Variants in FSTL4 observed in about 807,000 individuals in gnomAD.
The protein encoded by FSTL4 is follistatin-related protein 4.
In FSTL4, 28 loss-of-function variants were observed where a neutral mutation model predicts 78.2. The ratio of observed to expected loss-of-function variants is 0.36; its 90% CI spans 0.27 to 0.49. FSTL4 has a LOEUF of 0.49. Among genes scored for constraint, FSTL4 ranks in the 20% least tolerant of loss-of-function variants. The pLI is 0.98. For missense variants in FSTL4, 922 were observed against 1,084.9 expected, an observed-to-expected ratio of 0.85 and a Z score of 2.11; for synonymous variants, 422 against 440.5, an observed-to-expected ratio of 0.96 and a Z score of 0.53.
chr5:133,594,403 G>A (rs1760699214), intron 2 of FSTL4, among the ~76,000 whole-genome samples: 1 of 152,220 alleles, frequency 6.6e-6, no homozygotes, highest in Non-Finnish European at 1.5e-5. Flanking sequence ...ATGTTGGCCA[G>A]GCTGGTCTCG....
chr5:133,375,251 G>A (rs1400642990), intron 4 of FSTL4, among the ~76,000 whole-genome samples: 1 of 117,688 alleles, frequency 8.5e-6, no homozygotes, highest in East Asian at 2.2e-4. Context: ...TTTATAAAGA[G>A]CTATTTTGAA....
intron 3 of FSTL4, among the ~76,000 whole-genome samples, chr5:133,438,156 GTA>G (rs1757074936): frequency 6.6e-6 from 1 of 152,354 alleles, no homozygotes; most frequent in East Asian, 1.9e-4. Flanking sequence ...GGAAGATGGT[GTA>G]TATCTGAACT....
chr5:133,315,074 A>C (rs1753871998), intron 5 of FSTL4, among the ~76,000 whole-genome samples: 1 of 152,170 alleles, frequency 6.6e-6, no homozygotes, highest in South Asian at 2.1e-4. Context: ...AGGCAGAAGA[A>C]TGGCTTCAGC....
At chr5:133,707,480 C>T in the FSTL4 span, among the ~76,000 whole-genome samples, 18 of 152,114 alleles carry the variant, frequency 1.2e-4, no homozygotes, top group African/African-American at 4.1e-4. Flanking sequence ...TTGGGGAAAA[C>T]GAATGATGCA....
At chr5:133,513,166 C>A (rs1758771789) in intron 3 of FSTL4, among the ~76,000 whole-genome samples, 1 of 152,150 alleles carries the variant, frequency 6.6e-6, no homozygotes, top group Admixed American at 6.5e-5. Context: ...CAGAGAGCTG[C>A]GCCTTTGCTA....
chr5:133,312,987 C>T (rs1753823254), intron 5 of FSTL4, among the ~76,000 whole-genome samples: 2 of 152,176 alleles, frequency 1.3e-5, no homozygotes, highest in African/African-American at 4.8e-5. Flanking sequence ...TCCCCAGGTT[C>T]ACACAGTGCT....
the FSTL4 span, among the ~76,000 whole-genome samples, chr5:133,665,386 C>T: frequency 1.1e-4 from 16 of 152,186 alleles, no homozygotes; most frequent in East Asian, 3.9e-4. Context: ...AATAACTCTA[C>T]GGAGTTTTAA....
intron 2 of FSTL4, among the ~76,000 whole-genome samples, chr5:133,581,239 C>T (rs1007283531): frequency 1.3e-5 from 2 of 152,176 alleles, no homozygotes; most frequent in Non-Finnish European, 2.9e-5. Flanking sequence ...GGAAGAAAGG[C>T]CCCCAGTGGT....
At chr5:133,344,445 A>G (rs1754653978) in intron 4 of FSTL4, among the ~76,000 whole-genome samples, 1 of 152,258 alleles carries the variant, frequency 6.6e-6, no homozygotes, top group African/African-American at 2.4e-5. Flanking sequence ...TGGCAGAAAG[A>G]TACAGTGAAC....
the FSTL4 span, among the ~76,000 whole-genome samples, chr5:133,710,326 C>T: frequency 6.6e-6 from 1 of 152,186 alleles, no homozygotes; most frequent in Admixed American, 6.5e-5. Context: ...CCCAAGAGCA[C>T]CTATCTTCAT....
At chr5:133,752,372 T>C in the FSTL4 span, among the ~76,000 whole-genome samples, 1 of 152,130 alleles carries the variant, frequency 6.6e-6, no homozygotes, top group Non-Finnish European at 1.5e-5. Context: ...GTTTTCCCAG[T>C]AACTGCCTGG....
At chr5:133,716,436 G>A in the FSTL4 span, among the ~76,000 whole-genome samples, 1 of 151,536 alleles carries the variant, frequency 6.6e-6, no homozygotes, top group Admixed American at 6.6e-5. Context: ...GACTTAACAT[G>A]GCAGAAATAA....
intron 6 of FSTL4, among the ~76,000 whole-genome samples, chr5:133,300,941 G>C (rs751993614): frequency 1.3e-5 from 2 of 152,204 alleles, no homozygotes; most frequent in East Asian, 3.8e-4. Context: ...TTTGTCAGGA[G>C]GTTGGAGGCG....
chr5:133,622,327 A>C, the FSTL4 span, among the ~76,000 whole-genome samples: 1 of 152,188 alleles, frequency 6.6e-6, no homozygotes, highest in Non-Finnish European at 1.5e-5. Flanking sequence ...GATTACAAAT[A>C]AAGTTGCTAT....
Position 133,199,131 on chromosome 5 carries a change from C to G in FSTL4, c.2493G>C (p.Lys831Asn). Residue 831 changes from lysine to asparagine, a missense_variant, in exon 16 of 16, where the codon AAG becomes AAC. Coordinates refer to ENST00000265342, the MANE Select transcript of FSTL4 (RefSeq NM_015082.2). This position sits in a 1 kb window ranked among gnomAD's most constrained non-coding sequence, Gnocchi z 4.4. ...CCACCCACACCACTGTGGTCCCCCC[C>G]TTTATACCTGACACCTCACACCGCA... ...NTLRCEVSGI[K>N]GGTTVVWVGE... 1.3e-6 allele frequency: 2 copies of G among 1,574,744 alleles called. No homozygotes were observed. Among genetic ancestry groups the G allele is most frequent in the Non-Finnish European group, 1.7e-6 (2 of 1,157,328 alleles).
chr5:133,673,767 T>C, the FSTL4 span, among the ~76,000 whole-genome samples: 1 of 151,836 alleles, frequency 6.6e-6, no homozygotes, highest in African/African-American at 2.4e-5. Context: ...CACAATCTAG[T>C]GAGGGAGAAA....
At chr5:133,707,583 C>A in the FSTL4 span, among the ~76,000 whole-genome samples, 1 of 152,330 alleles carries the variant, frequency 6.6e-6, no homozygotes, top group South Asian at 2.1e-4. Context: ...GCATCTGAAT[C>A]CTACTCCTTC....
chr5:133,407,586 T>C (rs1756391072), intron 3 of FSTL4, among the ~76,000 whole-genome samples: 15 of 152,202 alleles, frequency 9.9e-5, no homozygotes, highest in Admixed American at 9.8e-4. Flanking sequence ...GTCTGACAAA[T>C]TGACTTCAAA....
the FSTL4 span, among the ~76,000 whole-genome samples, chr5:133,688,178 G>A: frequency 6.6e-6 from 1 of 152,140 alleles, no homozygotes; most frequent in East Asian, 1.9e-4. Flanking sequence ...AGAGGTCGAG[G>A]CAGGCGGATC....
Sources: gnomAD v4.1 joint callset for allele counts (sites outside exome capture counted in the v4.1 genomes callset) on GRCh38, gnomAD v4.1.1 for gene constraint, Gnocchi (gnomAD v3.1) non-coding constraint, MANE v1.5 for transcripts, NCBI Gene and HGNC (gene_info 2026-07-23, HGNC 2026-07-21) for gene names.